The following CALN1 variants were observed in gnomAD, a reference collection of about 807,000 sequenced individuals.
CALN1 encodes the protein calcium-binding protein 8.
CALN1 carries 17 observed loss-of-function variants against 30.6 expected under a neutral mutation model. The ratio of observed to expected loss-of-function variants is 0.56; its 90% CI spans 0.38 to 0.83. The LOEUF is 0.83. Ranked by LOEUF, CALN1 falls within the 40% of genes least tolerant of loss-of-function variation. The probability of loss-of-function intolerance (pLI) is 0.00; values close to 1 mark genes in which losing one functional copy is unlikely to be tolerated. For missense variants in CALN1, 291 were observed against 354.9 expected (o/e 0.82, Z 1.45); for synonymous variants, 156 against 131.4 (o/e 1.19, Z -1.28).
At chr7:72,154,894 ATT>A in intron 3 of CALN1, among the ~76,000 whole-genome samples, 1 of 148,904 alleles carries the variant, frequency 6.7e-6, no homozygotes, top group African/African-American at 2.5e-5. Flanking sequence ...TGTCTCTACA[ATT>A]TTTTTTTTTA....
At chr7:72,028,415 G>A (rs1801230383) in intron 4 of CALN1, among the ~76,000 whole-genome samples, 1 of 152,174 alleles carries the variant, frequency 6.6e-6, no homozygotes, top group Non-Finnish European at 1.5e-5. Flanking sequence ...GGGAACTACA[G>A]ACCAAAAGCT....
chr7:71,936,549 T>A (rs955823334), intron 5 of CALN1, among the ~76,000 whole-genome samples: 1 of 152,146 alleles, frequency 6.6e-6, no homozygotes, highest in Non-Finnish European at 1.5e-5. Flanking sequence ...CACTGAGCTC[T>A]AGGGCGTGAA....
Position 72,340,883 on chromosome 7 carries a change from C to G in CALN1, c.120-62073G>C, listed in dbSNP as rs6958912. Among the ~76,000 whole-genome samples, 1,318 of 152,298 alleles carry G rather than the reference C, an allele frequency of 8.7e-3. 21 individuals are homozygous for G. Among genetic ancestry groups the G allele is most frequent in the African/African-American group, 0.028 (1,182 of 41,560 alleles). ...AAACCCCTTTCACTTGGCTCTCTCTCTCTCATCTGCTGCCATGTGAGATGT... is the reference window on the plus strand; with the variant it reads ...AAACCCCTTTCACTTGGCTCTCTCTGTCTCATCTGCTGCCATGTGAGATGT... On this transcript the variant is annotated intron_variant, in intron 2 of 6. Transcript: ENST00000395275.
the CALN1 span, among the ~76,000 whole-genome samples, chr7:72,499,674 T>C: frequency 6.6e-6 from 1 of 152,130 alleles, no homozygotes; most frequent in Admixed American, 6.5e-5. Flanking sequence ...TGGAGATGGT[T>C]AATATTTGGG....
intron 5 of CALN1, among the ~76,000 whole-genome samples, chr7:71,866,702 CAG>C (rs1411492305): frequency 6.6e-6 from 1 of 152,122 alleles, no homozygotes; most frequent in Non-Finnish European, 1.5e-5. Flanking sequence ...CAGGTAAACT[CAG>C]GGGATGATAC....
chr7:71,834,298 T>C (rs867091139), intron 5 of CALN1, among the ~76,000 whole-genome samples: 33 of 126,256 alleles, frequency 2.6e-4, no homozygotes, highest in African/African-American at 1.0e-3. Context: ...AAAAAGGAAG[T>C]GGCCACCTGC....
intron 4 of CALN1, among the ~76,000 whole-genome samples, chr7:72,089,295 G>A (rs1430955703): frequency 1.3e-5 from 2 of 151,668 alleles, no homozygotes; most frequent in Non-Finnish European, 2.9e-5. Context: ...CACTAAAGAG[G>A]GTAAAAGTAA....
chr7:72,207,179 G>A (rs375389129), intron 3 of CALN1, among the ~76,000 whole-genome samples: 22 of 152,104 alleles, frequency 1.4e-4, no homozygotes, highest in South Asian at 4.2e-4. Flanking sequence ...CTACATTTAC[G>A]CATCCTCCCA....
At chr7:72,176,542 C>A (rs898555869) in intron 3 of CALN1, among the ~76,000 whole-genome samples, 33 of 152,248 alleles carry the variant, frequency 2.2e-4, no homozygotes, top group African/African-American at 7.9e-4. Flanking sequence ...CTTTCTCCCA[C>A]TCTCGCCATG....
At chr7:72,034,415 C>T (rs926845559) in intron 4 of CALN1, among the ~76,000 whole-genome samples, 7 of 149,978 alleles carry the variant, frequency 4.7e-5, no homozygotes, top group Non-Finnish European at 8.9e-5. Flanking sequence ...AGGAGGAGGA[C>T]GTACTGGGGA....
chr7:72,179,926 A>C (rs1789638298), intron 3 of CALN1, among the ~76,000 whole-genome samples: 2 of 152,188 alleles, frequency 1.3e-5, no homozygotes, highest in Admixed American at 6.5e-5. Context: ...CAGGATTAAA[A>C]ATATCTCATC....
chr7:72,310,234 C>T (rs1411987313), intron 2 of CALN1, among the ~76,000 whole-genome samples: 1 of 151,686 alleles, frequency 6.6e-6, no homozygotes, highest in African/African-American at 2.4e-5. Flanking sequence ...CAGCACAATG[C>T]TACTCCATCT....
At chr7:71,860,900 T>C (rs1289554134) in intron 5 of CALN1, among the ~76,000 whole-genome samples, 1 of 152,100 alleles carries the variant, frequency 6.6e-6, no homozygotes, top group Non-Finnish European at 1.5e-5. Context: ...AGGGGACATT[T>C]ATAGGCAGAG....
chr7:72,348,358 G>A (rs573216997), intron 2 of CALN1, among the ~76,000 whole-genome samples: 1 of 152,168 alleles, frequency 6.6e-6, no homozygotes, highest in East Asian at 1.9e-4. Context: ...CGCTGCAGAG[G>A]AAAAGGAAGC....
chr7:71,803,245 G>A lies in CALN1; in HGVS notation c.658+7091C>T, dbSNP rs148189058. 7.2e-5 allele frequency among the ~76,000 whole-genome samples: 11 copies of A among 152,168 alleles called. No homozygotes were observed. The East Asian group carries it at 1.2e-3, about 16-fold the overall frequency. On this transcript the variant is annotated intron_variant, in intron 6 of 6. Transcript: ENST00000395275. Reference sequence around the variant, plus strand: ...TCATATGCACAAAGCACCCAGAACCGCGGGTGGAATGTGGTCAGCACCTGA... The same window carrying A: ...TCATATGCACAAAGCACCCAGAACCACGGGTGGAATGTGGTCAGCACCTGA...
chr7:72,209,598 G>T (rs1435844479), intron 3 of CALN1, among the ~76,000 whole-genome samples: 1 of 149,578 alleles, frequency 6.7e-6, no homozygotes, highest in Non-Finnish European at 1.5e-5. Flanking sequence ...ATGGTTTTTA[G>T]TATATTCACA....
upstream of CALN1, among the ~76,000 whole-genome samples, chr7:72,449,450 G>C (rs996983486): frequency 1.3e-5 from 2 of 152,148 alleles, no homozygotes; most frequent in African/African-American, 4.8e-5. Context: ...AGAAAGAGTA[G>C]GCTTTCAGCA....
chr7:72,337,651 G>C (rs1210201336), intron 2 of CALN1: 2 of 152,740 alleles, frequency 1.3e-5, no homozygotes, highest in Admixed American at 6.5e-5. Flanking sequence ...TTACACCTGA[G>C]CCCAGGGGGA....
chr7:72,101,721 A>G (rs1806681296), intron 4 of CALN1, among the ~76,000 whole-genome samples: 1 of 152,212 alleles, frequency 6.6e-6, no homozygotes, highest in Non-Finnish European at 1.5e-5. Context: ...CCTGCAGGCC[A>G]AGCAAACATC....
Sources: allele counts gnomAD v4.1 joint callset (sites outside exome capture counted in the v4.1 genomes callset), GRCh38; gene constraint gnomAD v4.1.1; transcripts MANE v1.5; gene names NCBI Gene and HGNC (gene_info 2026-07-23, HGNC 2026-07-21).